The following SLC14A2 variants were observed in gnomAD, a reference collection of about 807,000 sequenced individuals.
SLC14A2 encodes the protein urea transporter 2.
In SLC14A2, 91 loss-of-function variants were observed where a neutral mutation model predicts 104.6. The ratio of observed to expected loss-of-function variants is 0.87; its 90% CI spans 0.73 to 1.04. The LOEUF (loss-of-function observed/expected upper bound fraction) is 1.04. Ranked by LOEUF, SLC14A2 falls within the 50% of genes least tolerant of loss-of-function variation. SLC14A2 has a pLI of 0.00. For missense variants in SLC14A2, 1,189 were observed against 1,156.0 expected, an observed-to-expected ratio of 1.03 and a Z score of -0.41; for synonymous variants, 476 against 466.4, an observed-to-expected ratio of 1.02 and a Z score of -0.27.
At chr18:45,636,898 G>A in intron 5 of SLC14A2, 92 bp from the exon 6 acceptor site, 1 of 917,076 alleles carries the variant, frequency 1.1e-6, no homozygotes, top group Non-Finnish European at 1.7e-6. Flanking sequence ...CCTAGGAGAG[G>A]AGGCAGTGGA....
chr18:45,214,419 A>G (rs549069646), intron 1 of SLC14A2, among the ~76,000 whole-genome samples: 2 of 152,346 alleles, frequency 1.3e-5, no homozygotes, highest in African/African-American at 4.8e-5. Context: ...CTGTGCTTTC[A>G]TTATGCTTGA....
chr18:45,190,655 A>G, the SLC14A2 span, among the ~76,000 whole-genome samples: 3 of 152,196 alleles, frequency 2.0e-5, no homozygotes, highest in Admixed American at 6.5e-5. Flanking sequence ...GTTCAGTGAG[A>G]ACCAGACACA....
chr18:45,666,338 C>A, intron 12 of SLC14A2, 119 bp downstream of exon 12: 2 of 652,726 alleles, frequency 3.1e-6, no homozygotes, highest in South Asian at 2.0e-5. Flanking sequence ...TTCTTGCATT[C>A]GTATTTTCTG....
At chr18:45,571,458 C>T (rs138389894) in intron 2 of SLC14A2, among the ~76,000 whole-genome samples, 7 of 152,356 alleles carry the variant, frequency 4.6e-5, no homozygotes, top group South Asian at 2.1e-4. Flanking sequence ...GACAATGAGC[C>T]GGCTGGCCCT....
At chr18:45,648,710 TAA>T (rs2045671840) in intron 10 of SLC14A2, among the ~76,000 whole-genome samples, 2 of 151,954 alleles carry the variant, frequency 1.3e-5, no homozygotes, top group South Asian at 4.2e-4. Flanking sequence ...TGTAATTTAA[TAA>T]GTTAACCTTT....
At chr18:45,668,079 G>A (rs1270961027) in intron 14 of SLC14A2, 57 bp downstream of exon 14, 1 of 1,512,712 alleles carries the variant, frequency 6.6e-7, no homozygotes, top group Admixed American at 1.7e-5. Flanking sequence ...TCCCCATGGG[G>A]ACCATTCTTC....
chr18:45,382,154 A>G (rs988763631), intron 1 of SLC14A2, among the ~76,000 whole-genome samples: 1 of 152,168 alleles, frequency 6.6e-6, no homozygotes, highest in Admixed American at 6.5e-5. Context: ...GGCCACTCCC[A>G]GATTCTCTAG....
intron 1 of SLC14A2, among the ~76,000 whole-genome samples, chr18:45,470,731 T>C (rs2087232705): frequency 6.6e-6 from 1 of 152,158 alleles, no homozygotes; most frequent in African/African-American, 2.4e-5. Context: ...GCCTCTCATT[T>C]TTCTACTCTT....
In SLC14A2 at chr18:45,663,819, A is replaced by G. The variant is rs774153925; in HGVS notation, c.1386A>G (p.Pro462=). ...GGGAGCATCCACCCACAGCAGGCCC[A>G]AAGGTGGAGGAGGGCTCGGAGGCTG... ...GGGEHPPTAG[P]KVEEGSEAVL... is the part of the protein sequence containing the mutation. The change falls in exon 11 of 20, where the codon CCA becomes CCG. Residue 462 remains proline, a synonymous_variant. Transcript: ENST00000255226. 11 of 1,613,128 alleles carry G rather than the reference A, an allele frequency of 6.8e-6. No individual in the cohort carries two copies. In the Admixed American group the frequency reaches 1.8e-4, roughly 27 times the overall value.
chr18:45,331,685 C>T (rs920076513), intron 1 of SLC14A2, among the ~76,000 whole-genome samples: 21 of 146,380 alleles, frequency 1.4e-4, no homozygotes, highest in South Asian at 6.5e-4. Flanking sequence ...AGCGAGACTC[C>T]GTCTCAAAAA....
At chr18:45,360,461 C>G (rs1320959405) in intron 1 of SLC14A2, among the ~76,000 whole-genome samples, 1 of 152,220 alleles carries the variant, frequency 6.6e-6, no homozygotes, top group Non-Finnish European at 1.5e-5. Flanking sequence ...CTCAGGATCT[C>G]CCCTGACTTG....
intron 4 of SLC14A2, among the ~76,000 whole-genome samples, chr18:45,630,852 T>C (rs572722786): frequency 5.9e-5 from 9 of 152,314 alleles, no homozygotes; most frequent in African/African-American, 2.2e-4. Context: ...ACACAGCTTG[T>C]CCTGTGTCCA....
At chr18:45,274,913 C>T (rs925553881) in intron 1 of SLC14A2, among the ~76,000 whole-genome samples, 1 of 152,180 alleles carries the variant, frequency 6.6e-6, no homozygotes, top group Non-Finnish European at 1.5e-5. Flanking sequence ...AGACTTGATT[C>T]CCTGTTTTGA....
chr18:45,192,455 G>T, the SLC14A2 span, among the ~76,000 whole-genome samples: 1 of 152,164 alleles, frequency 6.6e-6, no homozygotes, highest in East Asian at 1.9e-4. Context: ...CCTAGGATTA[G>T]AATGGTAGGT....
chr18:45,614,210 G>T (rs1005055876), upstream of SLC14A2, among the ~76,000 whole-genome samples: 2 of 152,252 alleles, frequency 1.3e-5, no homozygotes, highest in Non-Finnish European at 2.9e-5. Context: ...GTGGTGTTGA[G>T]CCTGCAGGTG....
intron 2 of SLC14A2, among the ~76,000 whole-genome samples, chr18:45,500,672 T>A (rs1205209301): frequency 6.6e-6 from 1 of 151,852 alleles, no homozygotes; most frequent in African/African-American, 2.4e-5. Flanking sequence ...AGAAAGAGCA[T>A]GGTGGTCAGA....
Position 45,282,530 on chromosome 18 carries a change from A to G in SLC14A2, c.-125+69339A>G, listed in dbSNP as rs1034313939. On this transcript the variant is annotated intron_variant, in intron 1 of 20. Transcript: ENST00000586448. The stretch of plus-strand genomic sequence containing the variant: ...AAGCCAGCCCAAAGGTCTGCCTTCA[A>G]AGAATGATCTCATGGAGGACACAGG... Among the ~76,000 whole-genome samples the G allele has an allele frequency of 6.6e-5, 10 of 152,146 alleles. No individual in the cohort carries two copies. The East Asian group carries it at 1.9e-3, about 29-fold the overall frequency.
At chr18:45,306,873 G>T (rs1447504629) in intron 1 of SLC14A2, among the ~76,000 whole-genome samples, 1 of 152,142 alleles carries the variant, frequency 6.6e-6, no homozygotes, top group East Asian at 1.9e-4. Flanking sequence ...CTTTCTGGAG[G>T]CCACAAGAAC....
intron 5 of SLC14A2, among the ~76,000 whole-genome samples, chr18:45,635,134 G>A (rs1482438858): frequency 6.6e-6 from 1 of 152,174 alleles, no homozygotes; most frequent in Admixed American, 6.5e-5. Context: ...CAGGAGACAG[G>A]ATACAAATCA....
Sources: gnomAD v4.1 joint callset for allele counts (sites outside exome capture counted in the v4.1 genomes callset) on GRCh38, gnomAD v4.1.1 for gene constraint, MANE v1.5 for transcripts, NCBI Gene and HGNC (gene_info 2026-07-23, HGNC 2026-07-21) for gene names.